PTPRN2: variants seen among roughly 807,000 people sequenced by gnomAD.
PTPRN2 encodes the protein protein tyrosine phosphatase receptor type N2.
A neutral mutation model predicts 118.8 loss-of-function variants in PTPRN2; 74 were observed. The observed-to-expected ratio is 0.62, with a 90% CI of 0.52 to 0.76. The LOEUF (loss-of-function observed/expected upper bound fraction) is 0.76. Ranked by LOEUF, PTPRN2 falls within the 30% of genes least tolerant of loss-of-function variation. The pLI is 0.00. For synonymous variants in PTPRN2, 641 were observed against 608.0 expected (o/e 1.05, Z -0.80); for missense variants, 1,481 against 1,394.4 (o/e 1.06, Z -0.99).
rs143124676 is a variant in PTPRN2 at position 158,361,685 on chromosome 7, T to G, written c.164-44753A>C. ...TGCCCACCATGGACCTTGGGGGCACTCCCGGACCCTCCTGGGGGATCCTAG... is the reference window on the plus strand; with the variant it reads ...TGCCCACCATGGACCTTGGGGGCACGCCCGGACCCTCCTGGGGGATCCTAG... On this transcript the variant is annotated intron_variant, in intron 2 of 22. Transcript: ENST00000389418. Among the ~76,000 whole-genome samples, 1,255 of 152,254 alleles carry G rather than the reference T, an allele frequency of 8.2e-3. 18 individuals carry two copies. The highest frequency in any genetic ancestry group is 0.029 in the African/African-American group (1,197 of 41,566).
At chr7:158,095,531 A>G (rs1242406558) in intron 10 of PTPRN2, among the ~76,000 whole-genome samples, 1 of 152,126 alleles carries the variant, frequency 6.6e-6, no homozygotes, top group African/African-American at 2.4e-5. Flanking sequence ...TGGCTTCAGT[A>G]ATCTGCCCAG....
intron 11 of PTPRN2, among the ~76,000 whole-genome samples, chr7:157,937,364 TCTAA>T (rs1799774461): frequency 6.6e-6 from 1 of 152,136 alleles, no homozygotes; most frequent in African/African-American, 2.4e-5. Context: ...AGAATTTCCG[TCTAA>T]CTGAGCACGT....
chr7:157,856,421 A>G (rs1352016868), intron 12 of PTPRN2, among the ~76,000 whole-genome samples: 1 of 152,194 alleles, frequency 6.6e-6, no homozygotes, highest in East Asian at 1.9e-4. Context: ...TTTACACTGA[A>G]GGTTTATTTT....
intron 3 of PTPRN2, among the ~76,000 whole-genome samples, chr7:158,295,078 G>C (rs566448752): frequency 6.3e-5 from 9 of 142,414 alleles, no homozygotes; most frequent in South Asian, 2.3e-4. Flanking sequence ...CTGCCTGTCT[G>C]CCCAGACATT....
chr7:157,811,429 C>T (rs1196961152), intron 12 of PTPRN2, among the ~76,000 whole-genome samples: 1 of 151,154 alleles, frequency 6.6e-6, no homozygotes, highest in African/African-American at 2.4e-5. Context: ...GATGCGTCTC[C>T]TCTCCATCGT....
At chr7:157,800,356 G>A (rs889723083) in intron 12 of PTPRN2, among the ~76,000 whole-genome samples, 1 of 152,122 alleles carries the variant, frequency 6.6e-6, no homozygotes, top group Non-Finnish European at 1.5e-5. Flanking sequence ...GAAATTACCC[G>A]GTCACTATAG....
At chr7:158,158,429 G>C (rs541110610) in intron 6 of PTPRN2, among the ~76,000 whole-genome samples, 1 of 152,242 alleles carries the variant, frequency 6.6e-6, no homozygotes, top group Non-Finnish European at 1.5e-5. Flanking sequence ...GTCACGGAAG[G>C]CTCGAAGGAG....
At chr7:157,897,998 G>A (rs531155865) in intron 12 of PTPRN2, among the ~76,000 whole-genome samples, 50 of 152,396 alleles carry the variant, frequency 3.3e-4, no homozygotes, top group African/African-American at 1.2e-3. Context: ...TCATTAAGTT[G>A]TCATGTCAGG....
intron 12 of PTPRN2, among the ~76,000 whole-genome samples, chr7:157,772,136 GACACACACACAGACACAAACACAC>G (rs1802881289): frequency 7.2e-6 from 1 of 138,642 alleles, no homozygotes; most frequent in African/African-American, 2.8e-5. Context: ...TACACAGACA[GACACACACACAGACACAAACACAC>G]ACACAGGCAC....
At chr7:157,710,327 G>A (rs1474147551) in intron 12 of PTPRN2, among the ~76,000 whole-genome samples, 2 of 152,164 alleles carry the variant, frequency 1.3e-5, no homozygotes, top group South Asian at 2.1e-4. Flanking sequence ...ACTCACTCTT[G>A]GCCAGGTGTG....
chr7:157,844,501 AC>A (rs1489655272), intron 12 of PTPRN2, among the ~76,000 whole-genome samples: 1 of 152,178 alleles, frequency 6.6e-6, no homozygotes, highest in Non-Finnish European at 1.5e-5. Context: ...CACTGAGGAA[AC>A]TGCCAGGTGA....
intron 13 of PTPRN2, chr7:157,669,649 G>A (rs1049839359): frequency 5.1e-6 from 2 of 393,472 alleles, no homozygotes; most frequent in African/African-American, 2.1e-5. Flanking sequence ...TTCCCATTTC[G>A]CAAGATGTTT....
chr7:158,450,063 G>A (rs1371567740), intron 2 of PTPRN2, among the ~76,000 whole-genome samples: 8 of 152,164 alleles, frequency 5.3e-5, no homozygotes, highest in Non-Finnish European at 5.9e-5. Context: ...GATGGCCTCC[G>A]CCTGGCTTCT....
intron 4 of PTPRN2, among the ~76,000 whole-genome samples, chr7:158,196,468 C>A (rs956583996): frequency 6.6e-6 from 1 of 152,230 alleles, no homozygotes; most frequent in Non-Finnish European, 1.5e-5. Flanking sequence ...GGGAGGTCTG[C>A]ATCCCACACT....
intron 11 of PTPRN2, among the ~76,000 whole-genome samples, chr7:158,023,758 A>T (rs2128877774): frequency 6.6e-6 from 1 of 152,308 alleles, no homozygotes; most frequent in South Asian, 2.1e-4. Flanking sequence ...GCCCTCATCA[A>T]GCCACTCAGT....
At chr7:158,317,735 G>A (rs1325869052) in intron 2 of PTPRN2, among the ~76,000 whole-genome samples, 1 of 152,164 alleles carries the variant, frequency 6.6e-6, no homozygotes, top group Non-Finnish European at 1.5e-5. Flanking sequence ...AAGGGGAAAT[G>A]GTCTCTTTTA....
At chr7:158,431,235 C>G (rs1383324380) in intron 2 of PTPRN2, among the ~76,000 whole-genome samples, 1 of 151,326 alleles carries the variant, frequency 6.6e-6, no homozygotes, top group Non-Finnish European at 1.5e-5. Flanking sequence ...TGGGTATACA[C>G]TGGGCTCACA....
chr7:157,669,407 A>T (rs1796294697), intron 13 of PTPRN2: 1 of 432,398 alleles, frequency 2.3e-6, no homozygotes, highest in East Asian at 7.2e-5. Flanking sequence ...AGAACAACCC[A>T]CACACGTGTT....
At chr7:157,737,324 C>G (rs904833417) in intron 12 of PTPRN2, among the ~76,000 whole-genome samples, 1 of 152,160 alleles carries the variant, frequency 6.6e-6, no homozygotes, top group Non-Finnish European at 1.5e-5. Flanking sequence ...TTCCTGTGTC[C>G]GTGGTTTGGA....
Sources: gnomAD v4.1 joint callset for allele counts (sites outside exome capture counted in the v4.1 genomes callset) on GRCh38, gnomAD v4.1.1 for gene constraint, MANE v1.5 for transcripts, NCBI Gene and HGNC (gene_info 2026-07-23, HGNC 2026-07-21) for gene names.